The following PHF14 variants were observed in gnomAD, a reference collection of about 807,000 sequenced individuals.
PHF14 encodes the protein PHD finger protein 14.
In PHF14, 55 loss-of-function variants were observed where a neutral mutation model predicts 117.9. The ratio of observed to expected loss-of-function variants is 0.47; its 90% CI spans 0.38 to 0.58. The LOEUF (loss-of-function observed/expected upper bound fraction) is 0.58, where lower values mean the gene tolerates loss of function less well. Ranked by LOEUF, PHF14 falls within the 20% of genes least tolerant of loss-of-function variation. PHF14 has a pLI of 0.00. For synonymous variants in PHF14, 409 were observed against 368.6 expected, an observed-to-expected ratio of 1.11 and a Z score of -1.26; for missense variants, 978 against 1,122.2, an observed-to-expected ratio of 0.87 and a Z score of 1.84.
intron 17 of PHF14, among the ~76,000 whole-genome samples, chr7:11,145,864 ATG>A (rs1788536356): frequency 6.6e-6 from 1 of 152,108 alleles, no homozygotes; most frequent in South Asian, 2.1e-4. Flanking sequence ...ACATTACCAT[ATG>A]TTATACTTGT....
At chr7:11,043,072 CTTGTT>C (rs1292826162) in intron 13 of PHF14, among the ~76,000 whole-genome samples, 1 of 151,824 alleles carries the variant, frequency 6.6e-6, no homozygotes, top group African/African-American at 2.4e-5. Context: ...TTATAATTCT[CTTGTT>C]TTATTGTTCA....
At chr7:11,132,252 C>T (rs1788110303) in intron 17 of PHF14, among the ~76,000 whole-genome samples, 1 of 151,328 alleles carries the variant, frequency 6.6e-6, no homozygotes, top group Non-Finnish European at 1.5e-5. Context: ...TCTACTTGCC[C>T]ATTTTCTTCC....
chr7:11,147,080 T>C (rs1049677738), intron 17 of PHF14, among the ~76,000 whole-genome samples: 2 of 152,092 alleles, frequency 1.3e-5, no homozygotes, highest in Admixed American at 6.6e-5. Context: ...CTCCTTGAGC[T>C]CAAGAGATCT....
At chr7:11,098,919 C>T (rs889478595) in intron 16 of PHF14, among the ~76,000 whole-genome samples, 4 of 152,056 alleles carry the variant, frequency 2.6e-5, no homozygotes, top group African/African-American at 9.7e-5. Context: ...TAAAATGATG[C>T]TTCATTGTAT....
intron 5 of PHF14, among the ~76,000 whole-genome samples, chr7:11,020,083 G>T (rs1410428803): frequency 4.6e-5 from 7 of 151,676 alleles, no homozygotes; most frequent in African/African-American, 1.7e-4. Flanking sequence ...TTATGTCTCA[G>T]TTCTTTCTTT....
rs112587148 is a variant in PHF14, at chr7:11,139,771, C to G, written c.2772+28304C>G. On this transcript the variant is annotated intron_variant, in intron 17 of 17. Transcript: ENST00000634607. ...TAAGACAGATAACTTTTGGTACTCT[C>G]TAAGGTACAAAAAGTAAAAAGGTAA... 1.1e-4 allele frequency among the ~76,000 whole-genome samples: 16 copies of G among 152,160 alleles called. 1 individual carries two copies. Among genetic ancestry groups the G allele is most frequent in the African/African-American group, 3.6e-4 (15 of 41,518 alleles).
At chr7:11,092,633 T>C (rs775454557) in intron 16 of PHF14, among the ~76,000 whole-genome samples, 1 of 152,182 alleles carries the variant, frequency 6.6e-6, no homozygotes, top group Non-Finnish European at 1.5e-5. Context: ...TAAGGGCATA[T>C]GCCTTTTTTG....
chr7:11,108,740 G>A (rs1296885208), intron 16 of PHF14: 1 of 151,710 alleles, frequency 6.6e-6, no homozygotes, highest in Non-Finnish European at 1.5e-5. Flanking sequence ...GATTGGAACT[G>A]TGTTAGTGTA....
intron 6 of PHF14, 66 bp from the exon 7 acceptor site, chr7:11,028,615 A>T: frequency 3.5e-6 from 5 of 1,414,364 alleles, no homozygotes; most frequent in Non-Finnish European, 5.0e-6. Flanking sequence ...GACACTTTGT[A>T]TGAGAATGCA....
chr7:11,155,591 T>C (rs968801819), intron 17 of PHF14, among the ~76,000 whole-genome samples: 3 of 152,080 alleles, frequency 2.0e-5, no homozygotes, highest in Non-Finnish European at 4.4e-5. Context: ...TTTTGGAGAG[T>C]AGGGGACTTT....
At chr7:10,988,474 A>G (rs1426495486) in intron 3 of PHF14, among the ~76,000 whole-genome samples, 5 of 151,952 alleles carry the variant, frequency 3.3e-5, no homozygotes, top group East Asian at 1.9e-4. Context: ...CACAGTCCAT[A>G]AAGACATGTA....
chr7:11,123,867 G>A (rs192863305), intron 17 of PHF14, among the ~76,000 whole-genome samples: 127 of 151,036 alleles, frequency 8.4e-4, no homozygotes, highest in South Asian at 1.9e-3. Context: ...GCAGTGAGCC[G>A]AGATCGTGCC....
At chr7:11,008,801 T>C (rs956821591) in intron 4 of PHF14, among the ~76,000 whole-genome samples, 26 of 152,066 alleles carry the variant, frequency 1.7e-4, no homozygotes, top group African/African-American at 6.0e-4. Flanking sequence ...TTTGGGAGGC[T>C]GAGGTGGGTG....
rs1306833302 is a variant in PHF14, at chr7:10,974,088, A to G, written c.-236A>G. The G allele has an allele frequency of 2.0e-6, 1 of 493,586 alleles. No homozygotes were observed. The highest frequency in any genetic ancestry group is 3.3e-5 in the East Asian group (1 of 30,226). 30.6% of individuals were successfully genotyped at this position (493,586 alleles called of 1,614,324 possible). A position where few individuals can be genotyped will look rare whatever the true frequency, so the allele number is the denominator to read the frequency against. On this transcript the variant is annotated 5_prime_UTR_variant, in exon 1 of 18. Transcript: ENST00000634607. ...CCTGGGCCGGAGGTCTTCTCCGGCC[A>G]GGGAGCGCTGTGGGAAGGGGCTCGA...
intron 14 of PHF14, chr7:11,061,559 A>G (rs1785222571): frequency 3.3e-6 from 1 of 301,498 alleles, no homozygotes; most frequent in Non-Finnish European, 6.0e-6. Flanking sequence ...ATACATGTTT[A>G]TTTAAAAGTA....
intron 17 of PHF14, among the ~76,000 whole-genome samples, chr7:11,134,582 C>T (rs796293772): frequency 1.3e-5 from 2 of 152,100 alleles, no homozygotes; most frequent in African/African-American, 4.8e-5. Context: ...GAAAGTGAGA[C>T]TTGGAGCGGT....
At chr7:11,105,337 C>T in intron 16 of PHF14, 1 of 939,360 alleles carries the variant, frequency 1.1e-6, no homozygotes, top group Non-Finnish European at 1.3e-6. Context: ...ATTTACACTC[C>T]ATTCTATTTC....
intron 16 of PHF14, among the ~76,000 whole-genome samples, chr7:11,077,571 G>A (rs9768601): frequency 0.37 from 53,669 of 144,210 alleles, 10,436 homozygotes; most frequent in East Asian, 0.75. Context: ...ACTGCACTCC[G>A]GCCTGGCAAC....
At chr7:11,127,113 C>G (rs546839047) in intron 17 of PHF14, among the ~76,000 whole-genome samples, 1 of 151,714 alleles carries the variant, frequency 6.6e-6, no homozygotes, top group Non-Finnish European at 1.5e-5. Flanking sequence ...TATTAATAGT[C>G]TTTTTTTTAA....
Sources: allele counts gnomAD v4.1 joint callset (sites outside exome capture counted in the v4.1 genomes callset), GRCh38; gene constraint gnomAD v4.1.1; transcripts MANE v1.5; gene names NCBI Gene and HGNC (gene_info 2026-07-23, HGNC 2026-07-21).